KATNA1: variants seen among roughly 807,000 people sequenced by gnomAD.
The protein encoded by KATNA1 is katanin p60 ATPase-containing subunit A1.
In KATNA1, 42 loss-of-function variants were observed where a neutral mutation model predicts 62.6. The observed-to-expected ratio is 0.67, with a 90% CI of 0.52 to 0.87. The LOEUF is 0.87. Among genes scored for constraint, KATNA1 ranks in the 40% least tolerant of loss-of-function variants. KATNA1 has a pLI of 0.00. For missense variants in KATNA1, 498 were observed against 612.5 expected, an observed-to-expected ratio of 0.81 and a Z score of 1.97; for synonymous variants, 186 against 201.9, an observed-to-expected ratio of 0.92 and a Z score of 0.67.
intron 3 of KATNA1, among the ~76,000 whole-genome samples, chr6:149,628,024 T>C (rs2114592899): frequency 6.6e-6 from 1 of 152,094 alleles, no homozygotes; most frequent in African/African-American, 2.4e-5. Flanking sequence ...AGCTGACATT[T>C]GAAAAGAATG....
chr6:149,642,792 G>A (rs1254371586), intron 1 of KATNA1, among the ~76,000 whole-genome samples: 1 of 152,128 alleles, frequency 6.6e-6, no homozygotes, highest in African/African-American at 2.4e-5. Context: ...ATATATTAGA[G>A]AGTCTATGGA....
intron 4 of KATNA1, among the ~76,000 whole-genome samples, chr6:149,616,753 T>G (rs570357470): frequency 2.7e-5 from 4 of 150,082 alleles, no homozygotes; most frequent in Non-Finnish European, 5.9e-5. Context: ...GACTCTGTCT[T>G]AAAAAAAAAA....
At chr6:149,630,858 A>C (rs1387472001) in intron 3 of KATNA1, among the ~76,000 whole-genome samples, 2 of 152,192 alleles carry the variant, frequency 1.3e-5, no homozygotes, top group Non-Finnish European at 2.9e-5. Flanking sequence ...TAGGACTGCT[A>C]CAGCAGAGAG....
At chr6:149,604,804 A>G (rs1458479403) in intron 4 of KATNA1, 22 bp from the exon 5 acceptor site, 1 of 1,603,452 alleles carries the variant, frequency 6.2e-7, no homozygotes, top group Non-Finnish European at 8.5e-7. Context: ...GAAAAAAACA[A>G]GCGCTTTTGA....
At chr6:149,611,462 C>CA (rs1179618459) in intron 4 of KATNA1, among the ~76,000 whole-genome samples, 489 of 34,262 alleles carry the variant, frequency 0.014, 3 homozygotes, top group Admixed American at 0.033. Flanking sequence ...AACTCTGTCT[C>CA]AAAAAAAAAA....
At chr6:149,631,298 T>G (rs1225486484) in intron 3 of KATNA1, 3 of 151,628 alleles carry the variant, frequency 2.0e-5, no homozygotes, top group Non-Finnish European at 4.4e-5. Flanking sequence ...ACTTGGGGGG[T>G]TGAGGCAGGA....
chr6:149,614,578 C>G (rs959265652), intron 4 of KATNA1, among the ~76,000 whole-genome samples: 1 of 152,016 alleles, frequency 6.6e-6, no homozygotes, highest in Non-Finnish European at 1.5e-5. Context: ...TTGAGACAAG[C>G]CTGGGCAATG....
intron 4 of KATNA1, among the ~76,000 whole-genome samples, chr6:149,607,267 AT>A (rs1045584690): frequency 1.6e-4 from 24 of 152,180 alleles, no homozygotes. Context: ...ATTTAATAGG[AT>A]TTTACTTAAT....
chr6:149,622,202 G>C (rs141973025), intron 4 of KATNA1, among the ~76,000 whole-genome samples: 4 of 150,898 alleles, frequency 2.7e-5, no homozygotes, highest in African/African-American at 9.8e-5. Context: ...GCGCGGTCTC[G>C]GCTCACTGCA....
chr6:149,612,858 T>C (rs537076430), intron 4 of KATNA1, among the ~76,000 whole-genome samples: 38 of 152,068 alleles, frequency 2.5e-4, no homozygotes, highest in Middle Eastern at 3.4e-3. Context: ...AAAAGACCCA[T>C]GTGATCATGC....
rs759797001 is a variant in KATNA1, at chr6:149,632,925, AAAG to A, written c.163-12_163-10del. The A allele has an allele frequency of 1.9e-5, 31 of 1,595,136 alleles. No individual in the cohort carries two copies. In the East Asian group the frequency reaches 2.3e-4, roughly 12 times the overall value. ...TTTATTTCCTGCCAAACCTGATTTC[AAAG>A]AAGAAGATGGATGTTTAAATTTCTA... is the stretch of plus-strand genomic sequence containing the variant. On this transcript the variant is annotated splice_polypyrimidine_tract_variant and intron_variant, in intron 2 of 10. Transcript: ENST00000367411.
At chr6:149,596,983 T>G in intron 10 of KATNA1, 80 bp downstream of exon 10, 1 of 1,426,662 alleles carries the variant, frequency 7.0e-7, no homozygotes, top group South Asian at 1.2e-5. Context: ...AGCGAGACTG[T>G]GTCTCAAAAA....
At chr6:149,642,751 G>A (rs1780341338) in intron 1 of KATNA1, among the ~76,000 whole-genome samples, 1 of 152,110 alleles carries the variant, frequency 6.6e-6, no homozygotes, top group African/African-American at 2.4e-5. Flanking sequence ...CATTTTTAAA[G>A]GATGCATACA....
At position 149,594,921 on chromosome 6, in the gene KATNA1, T is replaced by A. The variant is rs9027; in HGVS notation, c.*115A>T. The A allele has an allele frequency of 0.42, 310,752 of 747,348 alleles. 75,481 individuals are homozygous for A. The highest frequency in any genetic ancestry group is 0.8 in the African/African-American group (44,115 of 54,944). The allele number at this position is 747,348 out of a possible 1,614,324, so 46.3% of individuals were successfully genotyped here. A position where few individuals can be genotyped will look rare whatever the true frequency, so the allele number is the denominator to read the frequency against. On this transcript the variant is annotated 3_prime_UTR_variant, in exon 11 of 11. Coordinates refer to ENST00000367411, the MANE Select transcript of KATNA1 (RefSeq NM_007044.4). ...TTATTCAGAATCATAAGGGTTTTTT[T>A]AAAAAAATCTTACCATTATGAAAGT...
chr6:149,648,739 G>A (rs987399683), upstream of KATNA1: 1 of 152,258 alleles, frequency 6.6e-6, no homozygotes, highest in African/African-American at 2.4e-5. Flanking sequence ...GTCGCCCCGG[G>A]AGCGAGGTCG....
intron 4 of KATNA1, 84 bp from the exon 5 acceptor site, chr6:149,604,866 G>A (rs769339295): frequency 4.0e-5 from 55 of 1,363,554 alleles, no homozygotes; most frequent in African/African-American, 3.4e-4. Flanking sequence ...CTCAAGTGAC[G>A]TCCTTTAAAA....
At chr6:149,616,642 C>T (rs1779177376) in intron 4 of KATNA1, among the ~76,000 whole-genome samples, 1 of 152,010 alleles carries the variant, frequency 6.6e-6, no homozygotes. Flanking sequence ...TAATCCCAGA[C>T]ACTTGGGAGG....
intron 2 of KATNA1, among the ~76,000 whole-genome samples, chr6:149,634,257 A>G (rs1779973056): frequency 7.0e-6 from 1 of 143,148 alleles, no homozygotes; most frequent in Non-Finnish European, 1.5e-5. Flanking sequence ...TGGGCAACAG[A>G]GCAAGACTCC....
rs894159532 is a variant in KATNA1 at position 149,601,503 on chromosome 6, C to T, written c.888+91G>A. The T allele has an allele frequency of 4.3e-6, 5 of 1,173,176 alleles. No homozygotes were observed. In the African/African-American group the frequency reaches 4.7e-5, roughly 11 times the overall value. 72.7% of individuals were successfully genotyped at this position (1,173,176 alleles called of 1,614,324 possible). A position where few individuals can be genotyped will look rare whatever the true frequency, so the allele number is the denominator to read the frequency against. The stretch of plus-strand genomic sequence containing the variant: ...ATACTCTGGGCAAAATGGCATCCTG[C>T]CTAACTATTCCATATACTGGAGATA... On this transcript the variant is annotated intron_variant, in intron 7 of 10. Coordinates refer to ENST00000367411, the MANE Select transcript of KATNA1 (RefSeq NM_007044.4).
Sources: gnomAD v4.1 joint callset for allele counts (sites outside exome capture counted in the v4.1 genomes callset) on GRCh38, gnomAD v4.1.1 for gene constraint, MANE v1.5 for transcripts, NCBI Gene and HGNC (gene_info 2026-07-23, HGNC 2026-07-21) for gene names.